EFR3A: variants seen among roughly 807,000 people sequenced by gnomAD.
EFR3A encodes the protein EFR3 homolog A, also known as protein EFR3 homolog A.
A neutral mutation model predicts 104.4 loss-of-function variants in EFR3A; 76 were observed. The ratio of observed to expected loss-of-function variants is 0.73; its 90% CI spans 0.60 to 0.88. The LOEUF (loss-of-function observed/expected upper bound fraction) is 0.88, where lower values mean the gene tolerates loss of function less well. EFR3A is among the 40% of genes least tolerant of loss of function. EFR3A has a pLI of 0.00. For synonymous variants in EFR3A, 330 were observed against 330.0 expected (o/e 1.00, Z 0.00); for missense variants, 985 against 1,012.5 (o/e 0.97, Z 0.37).
At chr8:131,912,260 G>C (rs1200665356) in intron 1 of EFR3A, among the ~76,000 whole-genome samples, 1 of 152,154 alleles carries the variant, frequency 6.6e-6, no homozygotes, top group African/African-American at 2.4e-5. Context: ...TACTTCCTAC[G>C]ACCTGCATGG....
At chr8:131,984,500 T>G (rs937274293) in intron 15 of EFR3A, among the ~76,000 whole-genome samples, 200 bp downstream of exon 15, 2 of 152,152 alleles carry the variant, frequency 1.3e-5, no homozygotes, top group African/African-American at 4.8e-5. Flanking sequence ...GTGCTAAATA[T>G]CCTTCAAGGC....
At position 131,978,841 on chromosome 8, in the gene EFR3A, A is replaced by G; in HGVS notation, c.1327-6A>G. 6.5e-7 allele frequency: 1 copy of G among 1,535,158 alleles called. No individual in the cohort carries two copies. Among genetic ancestry groups the G allele is most frequent in the Non-Finnish European group, 8.8e-7 (1 of 1,142,416 alleles). Reference sequence around the variant, plus strand: ...AAAGGTTGTTTGTTTTCTTCTCGATAATCAGGTGACCTCTGGATATAAAGC... The same window carrying G: ...AAAGGTTGTTTGTTTTCTTCTCGATGATCAGGTGACCTCTGGATATAAAGC... On this transcript the variant is annotated splice_polypyrimidine_tract_variant and splice_region_variant and intron_variant, in intron 12 of 22. Coordinates refer to ENST00000254624, the MANE Select transcript of EFR3A (RefSeq NM_015137.6).
intron 17 of EFR3A, among the ~76,000 whole-genome samples, chr8:131,987,274 T>C (rs1487783926): frequency 6.6e-6 from 1 of 152,124 alleles, no homozygotes; most frequent in Non-Finnish European, 1.5e-5. Flanking sequence ...AAAAGCTACA[T>C]TTAGTGTTCT....
intron 3 of EFR3A, 25 bp from the exon 4 acceptor site, chr8:131,946,458 G>A: frequency 6.6e-7 from 1 of 1,519,484 alleles, no homozygotes; most frequent in Non-Finnish European, 8.8e-7. Context: ...GAAATGCTTT[G>A]ACATTCTTTT....
chr8:131,974,802 C>T (rs2130718984), intron 10 of EFR3A, among the ~76,000 whole-genome samples: 1 of 152,118 alleles, frequency 6.6e-6, no homozygotes, highest in South Asian at 2.1e-4. Flanking sequence ...TGACTTTTAC[C>T]CCTAAGTCCA....
In EFR3A at chr8:132,001,851, T is replaced by C. The variant is rs143877025; in HGVS notation, c.2206+44T>C. The C allele has an allele frequency of 7.6e-5, 115 of 1,510,530 alleles. No homozygotes were observed. In the African/African-American group the frequency reaches 8.1e-4, roughly 11 times the overall value. 93.6% of individuals were successfully genotyped at this position (1,510,530 alleles called of 1,614,324 possible). A position where few individuals can be genotyped will look rare whatever the true frequency, so the allele number is the denominator to read the frequency against. Reference sequence around the variant, plus strand: ...GTTAGTACTACCAATATTTAACTTATCTTTATCTGCTGCTTTTTTCGATGA... The same window carrying C: ...GTTAGTACTACCAATATTTAACTTACCTTTATCTGCTGCTTTTTTCGATGA... On this transcript the variant is annotated intron_variant, in intron 20 of 22. Coordinates refer to ENST00000254624, the MANE Select transcript of EFR3A (RefSeq NM_015137.6).
intron 8 of EFR3A, among the ~76,000 whole-genome samples, chr8:131,967,571 C>CA (rs34303335): frequency 0.023 from 2,609 of 114,284 alleles, 58 homozygotes; most frequent in African/African-American, 0.072. Flanking sequence ...TGCTGTTCTT[C>CA]AAAAAAAAAA....
Position 132,010,405 on chromosome 8 carries a change from G to GATATATAT in EFR3A, c.2361-384_2361-383insTATATATA, listed in dbSNP as rs200821953. Among the ~76,000 whole-genome samples, 265 of 87,958 alleles carry GATATATAT rather than the reference G, an allele frequency of 3.0e-3. 16 individuals are homozygous for GATATATAT. Among genetic ancestry groups the GATATATAT allele is most frequent in the South Asian group, 3.6e-3 (11 of 3,050 alleles). The allele number at this position is 87,958 out of a possible 152,430, so 57.7% of individuals were successfully genotyped here. On this transcript the variant is annotated intron_variant, in intron 22 of 22. Transcript: ENST00000254624. ...TTGTTCTCTGGATTAAATCAAGTAT[G>GATATATAT]AGATATATATATATATATATATATA... is the stretch of plus-strand genomic sequence containing the variant.
chr8:131,993,573 A>G (rs1821316926), intron 18 of EFR3A, among the ~76,000 whole-genome samples: 1 of 152,122 alleles, frequency 6.6e-6, no homozygotes, highest in African/African-American at 2.4e-5. Flanking sequence ...GGAAAGTAAA[A>G]TCACAGTATA....
intron 11 of EFR3A, among the ~76,000 whole-genome samples, 183 bp downstream of exon 11, chr8:131,976,324 T>C (rs538370900): frequency 5.7e-4 from 87 of 152,290 alleles, no homozygotes; most frequent in African/African-American, 2.0e-3. Context: ...TTTAGGCCTT[T>C]AGAATCATTT....
chr8:131,944,716 T>G (rs1184451475), intron 2 of EFR3A, 29 bp from the exon 3 acceptor site: 1 of 1,526,700 alleles, frequency 6.6e-7, no homozygotes, highest in Non-Finnish European at 8.8e-7. Context: ...AAAATATAGA[T>G]AATCTATTTA....
At chr8:131,974,685 T>A (rs1820232912) in intron 10 of EFR3A, among the ~76,000 whole-genome samples, 2 of 152,242 alleles carry the variant, frequency 1.3e-5, no homozygotes, top group Non-Finnish European at 2.9e-5. Flanking sequence ...AGTTTCTTAT[T>A]CCATAAATAT....
intron 14 of EFR3A, 37 bp from the exon 15 acceptor site, chr8:131,984,102 A>G: frequency 6.5e-7 from 1 of 1,550,380 alleles, no homozygotes; most frequent in Non-Finnish European, 8.7e-7. Context: ...CTACATTTTA[A>G]GCAAAATTAC....
At position 132,002,687 on chromosome 8, in the gene EFR3A, C is replaced by T. The variant is rs757660094; in HGVS notation, c.2291C>T (p.Ala764Val). 33 of 1,613,468 alleles carry T rather than the reference C, an allele frequency of 2.0e-5. No individual in the cohort carries two copies. The highest frequency in any genetic ancestry group is 4.5e-5 in the East Asian group (2 of 44,872). Residue 764 changes from alanine to valine, a missense_variant, in exon 21 of 23, where the codon GCA becomes GTA. By Grantham distance (64) the Ala-to-Val change is moderately conservative (BLOSUM62 0). Coordinates refer to ENST00000254624, the MANE Select transcript of EFR3A (RefSeq NM_015137.6). ...KFQKAPFEEI[A>V]AQCESKANLL... ...CAGAAAGCACCTTTTGAAGAAATAG[C>T]AGCACAGTGTGAATCCAAAGTAAGT...
At chr8:131,960,998 G>A (rs1485470523) in intron 8 of EFR3A, among the ~76,000 whole-genome samples, 2 of 152,240 alleles carry the variant, frequency 1.3e-5, no homozygotes, top group African/African-American at 4.8e-5. Context: ...TGCAGCTGAG[G>A]GTCCTGACTG....
At chr8:131,926,619 A>G in intron 1 of EFR3A, among the ~76,000 whole-genome samples, 1 of 151,914 alleles carries the variant, frequency 6.6e-6, no homozygotes, top group East Asian at 1.9e-4. Flanking sequence ...TTAAAAAAAA[A>G]TTTTGGAGGG....
intron 1 of EFR3A, among the ~76,000 whole-genome samples, chr8:131,937,578 TTTCTC>T (rs1197098525): frequency 2.0e-5 from 3 of 152,158 alleles, no homozygotes; most frequent in Non-Finnish European, 2.9e-5. Context: ...AGTGGATAGT[TTTCTC>T]TTTTATGTGC....
intron 2 of EFR3A, 30 bp downstream of exon 2, chr8:131,940,605 T>C: frequency 6.3e-7 from 1 of 1,586,128 alleles, no homozygotes; most frequent in Non-Finnish European, 8.6e-7. Context: ...CTGATCCTTC[T>C]CTTTGCTGAC....
intron 1 of EFR3A, chr8:131,940,037 A>G (rs1818086183): frequency 6.2e-6 from 1 of 160,326 alleles, no homozygotes; most frequent in Admixed American, 6.0e-5. Context: ...TGACAGAGTT[A>G]TTATAGCTGT....
Sources: gnomAD v4.1 joint callset for allele counts (sites outside exome capture counted in the v4.1 genomes callset) on GRCh38, gnomAD v4.1.1 for gene constraint, MANE v1.5 for transcripts, NCBI Gene and HGNC (gene_info 2026-07-23, HGNC 2026-07-21) for gene names.